Variants in LNX2 observed in about 807,000 individuals in gnomAD.
LNX2 encodes the protein ligand of numb-protein X 2.
LNX2 carries 35 observed loss-of-function variants against 66.2 expected under a neutral mutation model. The observed-to-expected ratio is 0.53, with a 90% CI of 0.40 to 0.70. The LOEUF is 0.70. LNX2 is among the 30% of genes least tolerant of loss of function. The pLI, the probability that LNX2 is intolerant of heterozygous loss-of-function variation, is 0.00. For synonymous variants in LNX2, 337 were observed against 315.6 expected (o/e 1.07, Z -0.72); for missense variants, 791 against 850.8 (o/e 0.93, Z 0.87).
chr13:27,580,060 A>T (rs536889187), intron 2 of LNX2, among the ~76,000 whole-genome samples: 3 of 152,196 alleles, frequency 2.0e-5, no homozygotes, highest in East Asian at 3.9e-4. Context: ...TGTTTTTTTC[A>T]TTGTTTCTCA....
At position 27,583,234 on chromosome 13, in the gene LNX2, G is replaced by GCGCGCGCGTCCTCTCCTATATAACTT. The variant is rs1170984359; in HGVS notation, c.-100-1432_-100-1431insAAGTTATATAGGAGAGGACGCGCGCG. Among the ~76,000 whole-genome samples the GCGCGCGCGTCCTCTCCTATATAACTT allele has an allele frequency of 1.2e-3, 28 of 23,030 alleles. 5 individuals are homozygous for GCGCGCGCGTCCTCTCCTATATAACTT. Among genetic ancestry groups the GCGCGCGCGTCCTCTCCTATATAACTT allele is most frequent in the Middle Eastern group, 0.021 (1 of 48 alleles). The allele number at this position is 23,030 out of a possible 152,430, so 15.1% of individuals were successfully genotyped here. A position where few individuals can be genotyped will look rare whatever the true frequency, so the allele number is the denominator to read the frequency against. ...TGTGTGTGTGTGTGTGTGTGTGTGT[G>GCGCGCGCGTCCTCTCCTATATAACTT]TGTGTGTGTGTGTGTGTGTGTGCGC... On this transcript the variant is annotated intron_variant, in intron 1 of 9. Transcript: ENST00000316334.
chr13:27,564,207 C>A (rs560270538), intron 4 of LNX2, among the ~76,000 whole-genome samples: 1 of 152,192 alleles, frequency 6.6e-6, no homozygotes, highest in Non-Finnish European at 1.5e-5. Flanking sequence ...CTTTGTGAAG[C>A]AGGCTGGGGA....
chr13:27,588,790 A>T (rs1955519969), intron 1 of LNX2, among the ~76,000 whole-genome samples: 1 of 152,248 alleles, frequency 6.6e-6, no homozygotes. Flanking sequence ...ATGAAAATTC[A>T]AATATCCATG....
chr13:27,588,326 T>C (rs1566126763), intron 1 of LNX2, among the ~76,000 whole-genome samples: 1 of 151,738 alleles, frequency 6.6e-6, no homozygotes, highest in Non-Finnish European at 1.5e-5. Flanking sequence ...TACCACAGAG[T>C]TTTACTCAGC....
chr13:27,586,010 A>ATG (rs1471960607), intron 1 of LNX2, among the ~76,000 whole-genome samples: 3 of 148,414 alleles, frequency 2.0e-5, no homozygotes, highest in African/African-American at 7.3e-5. Context: ...ACTTATATAT[A>ATG]TATATATACT....
chr13:27,564,339 C>T (rs1233623074), intron 4 of LNX2, among the ~76,000 whole-genome samples: 1 of 150,296 alleles, frequency 6.7e-6, no homozygotes, highest in African/African-American at 2.5e-5. Context: ...ATCAGCATAG[C>T]AAACTATCTC....
intron 4 of LNX2, among the ~76,000 whole-genome samples, chr13:27,564,828 A>G (rs1955185194): frequency 6.6e-6 from 1 of 152,208 alleles, no homozygotes. Flanking sequence ...GTAACCAGAT[A>G]GTAAAAAATA....
chr13:27,587,047 C>T lies in LNX2; in HGVS notation c.-100-5244G>A, dbSNP rs144720247. Among the ~76,000 whole-genome samples the T allele has an allele frequency of 1.4e-3, 211 of 152,256 alleles. 1 individual carries two copies. The highest frequency in any genetic ancestry group is 4.4e-3 in the South Asian group (21 of 4,818). Reference sequence around the variant, plus strand: ...TATGTATTATTCAGTTCATTTCTCTCGATGTTACTCCTGACTCAGATTTAA... The same window carrying T: ...TATGTATTATTCAGTTCATTTCTCTTGATGTTACTCCTGACTCAGATTTAA... On this transcript the variant is annotated intron_variant, in intron 1 of 9. Transcript: ENST00000316334.
chr13:27,618,334 C>T (rs1269955638), intron 1 of LNX2, among the ~76,000 whole-genome samples: 1 of 152,154 alleles, frequency 6.6e-6, no homozygotes, highest in African/African-American at 2.4e-5. Flanking sequence ...AGTTCTATCC[C>T]CCAAACTCTG....
In LNX2 at chr13:27,557,370, TGTTAA is replaced by T. The variant is rs1334862935; in HGVS notation, c.1369-962_1369-958del. 2.7e-4 allele frequency among the ~76,000 whole-genome samples: 41 copies of T among 152,144 alleles called. 1 individual carries two copies. The East Asian group carries it at 7.7e-3, about 29-fold the overall frequency. ...TGTCCTGGGATTCAAAATTTACGTA[TGTTAA>T]AAGAATGTACTATATATTAATACAA... On this transcript the variant is annotated intron_variant, in intron 6 of 9. Coordinates refer to ENST00000316334, the MANE Select transcript of LNX2 (RefSeq NM_153371.4).
At chr13:27,552,521 G>T (rs1955018265) in intron 8 of LNX2, among the ~76,000 whole-genome samples, 3 of 152,154 alleles carry the variant, frequency 2.0e-5, no homozygotes, top group South Asian at 4.1e-4. Context: ...CTTAGGTACG[G>T]TAAGAATCTA....
upstream of LNX2, chr13:27,620,730 T>A (rs1202015830): frequency 1.3e-5 from 2 of 151,962 alleles, no homozygotes; most frequent in Non-Finnish European, 2.9e-5. Flanking sequence ...CACTCCCGGG[T>A]TAGAGTGAGA....
At chr13:27,552,447 A>G (rs931359525) in intron 8 of LNX2, among the ~76,000 whole-genome samples, 2 of 152,262 alleles carry the variant, frequency 1.3e-5, no homozygotes, top group Admixed American at 6.5e-5. Context: ...GTTTTATTTT[A>G]AAGAATCAAT....
At chr13:27,552,805 A>C (rs1231656198) in intron 8 of LNX2, among the ~76,000 whole-genome samples, 3 of 152,262 alleles carry the variant, frequency 2.0e-5, no homozygotes, top group Non-Finnish European at 4.4e-5. Context: ...GCGAGAGTTA[A>C]AATAAATTTA....
intron 8 of LNX2, among the ~76,000 whole-genome samples, chr13:27,550,943 C>G (rs1375901634): frequency 6.6e-6 from 1 of 152,154 alleles, no homozygotes; most frequent in Non-Finnish European, 1.5e-5. Context: ...AGGAACGCAG[C>G]TTCCGAAAAG....
intron 2 of LNX2, 37 bp downstream of exon 2, chr13:27,581,260 A>G: frequency 2.1e-6 from 3 of 1,439,866 alleles, no homozygotes; most frequent in Non-Finnish European, 2.7e-6. Flanking sequence ...ACCTTTTTCC[A>G]AAATCTGGAG....
chr13:27,604,569 T>TA (rs1955694131), intron 1 of LNX2, among the ~76,000 whole-genome samples: 1 of 152,154 alleles, frequency 6.6e-6, no homozygotes, highest in Non-Finnish European at 1.5e-5. Context: ...GGAGATATAA[T>TA]ATATATATGG....
intron 1 of LNX2, among the ~76,000 whole-genome samples, chr13:27,589,993 A>C (rs1955530450): frequency 6.6e-6 from 1 of 152,208 alleles, no homozygotes; most frequent in Admixed American, 6.5e-5. Context: ...TCTGTCACCC[A>C]GGCTGGAGTG....
intron 1 of LNX2, among the ~76,000 whole-genome samples, chr13:27,587,050 T>C (rs1394523914): frequency 6.6e-6 from 1 of 152,220 alleles, no homozygotes; most frequent in African/African-American, 2.4e-5. Flanking sequence ...TTTCTCTCGA[T>C]GTTACTCCTG....
Sources: gnomAD v4.1 joint callset for allele counts (sites outside exome capture counted in the v4.1 genomes callset) on GRCh38, gnomAD v4.1.1 for gene constraint, MANE v1.5 for transcripts, NCBI Gene and HGNC (gene_info 2026-07-23, HGNC 2026-07-21) for gene names.